Variants in PARP4 observed in about 807,000 individuals in gnomAD.
PARP4 encodes the protein protein mono-ADP-ribosyltransferase PARP4.
PARP4 carries 120 observed loss-of-function variants against 187.7 expected under a neutral mutation model. That is an observed-to-expected ratio of 0.64 (90% confidence interval 0.55 to 0.74). The LOEUF (loss-of-function observed/expected upper bound fraction) is 0.74, where lower values mean the gene tolerates loss of function less well. PARP4 is among the 30% of genes least tolerant of loss of function. The pLI is 0.00. For synonymous variants in PARP4, 654 were observed against 740.9 expected (o/e 0.88, Z 1.90); for missense variants, 1,836 against 2,070.5 (o/e 0.89, Z 2.20).
intron 15 of PARP4, among the ~76,000 whole-genome samples, chr13:24,473,773 T>C (rs1010699084): frequency 1.2e-4 from 19 of 152,158 alleles, no homozygotes; most frequent in African/African-American, 4.1e-4. Flanking sequence ...AACAATCTCA[T>C]TGCTAAATCC....
intron 1 of PARP4, among the ~76,000 whole-genome samples, chr13:24,511,688 C>T (rs1461899055): frequency 6.6e-6 from 1 of 152,192 alleles, no homozygotes; most frequent in African/African-American, 2.4e-5. Context: ...CTACAGCCTC[C>T]GCCTTCCGAA....
intron 1 of PARP4, among the ~76,000 whole-genome samples, chr13:24,512,354 G>A (rs1375890040): frequency 6.6e-6 from 1 of 152,210 alleles, no homozygotes; most frequent in Non-Finnish European, 1.5e-5. Flanking sequence ...TAGGAAAGAA[G>A]GCCGTTTGGC....
At chr13:24,486,617 G>T (rs1873571705) in intron 10 of PARP4, among the ~76,000 whole-genome samples, 1 of 152,038 alleles carries the variant, frequency 6.6e-6, no homozygotes, top group African/African-American at 2.4e-5. Flanking sequence ...CTTGCTCTGG[G>T]CAACAGAGCA....
At chr13:24,431,354 T>C in intron 32 of PARP4, 23 bp downstream of exon 32, 1 of 1,320,816 alleles carries the variant, frequency 7.6e-7, no homozygotes, top group Non-Finnish European at 1.1e-6. Flanking sequence ...AATGACTTAA[T>C]AAATGGAAAC....
At chr13:24,448,169 C>T (rs1032474226) in intron 25 of PARP4, among the ~76,000 whole-genome samples, 1 of 152,074 alleles carries the variant, frequency 6.6e-6, no homozygotes, top group Non-Finnish European at 1.5e-5. Context: ...AAGCTTGCAC[C>T]ACTGAATTCC....
chr13:24,498,856 TGTTA>T (rs1869111541), intron 5 of PARP4, among the ~76,000 whole-genome samples: 1 of 152,244 alleles, frequency 6.6e-6, no homozygotes, highest in Non-Finnish European at 1.5e-5. Flanking sequence ...TACAAGAAAC[TGTTA>T]GTAACAGGGA....
At chr13:24,502,217 G>GTT (rs141754834) in intron 2 of PARP4, among the ~76,000 whole-genome samples, 2 of 151,734 alleles carry the variant, frequency 1.3e-5, no homozygotes, top group South Asian at 2.1e-4. Context: ...AGAAAATCTT[G>GTT]TTTTTTTTGT....
chr13:24,487,627 T>G lies in PARP4; in HGVS notation c.1215-1322A>C, dbSNP rs1433413032. 2.0e-5 allele frequency among the ~76,000 whole-genome samples: 3 copies of G among 151,976 alleles called. No homozygotes were observed. The East Asian group carries it at 5.8e-4, about 29-fold the overall frequency. On this transcript the variant is annotated intron_variant, in intron 10 of 33. Coordinates refer to ENST00000381989, the MANE Select transcript of PARP4 (RefSeq NM_006437.4). ...GAGTGGGTAGCTAAGATGGGGCAGT[T>G]GTTGGGGGAGACGGGGGTACGGCTG...
chr13:24,484,614 G>C (rs747327071), intron 12 of PARP4, 39 bp downstream of exon 12: 23 of 1,315,612 alleles, frequency 1.7e-5, no homozygotes, highest in Admixed American at 3.4e-5. Flanking sequence ...TACACAGCAA[G>C]TATTCAGTAA....
At chr13:24,499,257 G>GT (rs745751776) in intron 5 of PARP4, 44 bp downstream of exon 5, 2 of 1,453,154 alleles carry the variant, frequency 1.4e-6, no homozygotes, top group South Asian at 1.4e-5. Context: ...ATTCAAACAG[G>GT]TGTGTTTTTT....
intron 15 of PARP4, among the ~76,000 whole-genome samples, chr13:24,473,446 T>C (rs1030352228): frequency 2.0e-5 from 3 of 152,134 alleles, no homozygotes; most frequent in African/African-American, 7.2e-5. Flanking sequence ...AAACGTAAAA[T>C]TCAGAACAGT....
At chr13:24,437,706 G>A (rs1870700752) in intron 30 of PARP4, among the ~76,000 whole-genome samples, 1 of 152,064 alleles carries the variant, frequency 6.6e-6, no homozygotes, top group African/African-American at 2.4e-5. Context: ...GATTAAGTCA[G>A]GTATTGTGGA....
chr13:24,466,664 A>G (rs1211208343), intron 17 of PARP4, among the ~76,000 whole-genome samples: 1 of 151,848 alleles, frequency 6.6e-6, no homozygotes, highest in African/African-American at 2.4e-5. Context: ...GTGTGGTGGT[A>G]TGTGCCTTTA....
intron 12 of PARP4, among the ~76,000 whole-genome samples, chr13:24,479,539 C>T (rs1244927104): frequency 2.0e-5 from 3 of 152,060 alleles, no homozygotes; most frequent in African/African-American, 7.2e-5. Context: ...TGTGAGTGCA[C>T]CAATTGACAC....
chr13:24,430,269 T>G (rs1237050243), intron 32 of PARP4, among the ~76,000 whole-genome samples: 1 of 152,066 alleles, frequency 6.6e-6, no homozygotes, highest in Non-Finnish European at 1.5e-5. Context: ...CTCTGGCATT[T>G]TAGAGGTGAT....
chr13:24,487,454 G>A (rs1873625826), intron 10 of PARP4, among the ~76,000 whole-genome samples: 2 of 152,264 alleles, frequency 1.3e-5, no homozygotes, highest in African/African-American at 2.4e-5. Context: ...GCATCTGGAA[G>A]GACACTGTAG....
At chr13:24,479,185 G>A (rs968370842) in intron 12 of PARP4, among the ~76,000 whole-genome samples, 25 of 152,238 alleles carry the variant, frequency 1.6e-4, no homozygotes, top group African/African-American at 4.8e-4. Context: ...TTTTGGAGAC[G>A]CATGTCTGTT....
rs150329035 is a variant in PARP4 at position 24,435,136 on chromosome 13, A to T, written c.4005T>A (p.Ser1335Arg). 6.2e-7 allele frequency: 1 copy of T among 1,614,082 alleles called. No individual in the cohort carries two copies. Among genetic ancestry groups the T allele is most frequent in the African/African-American group, 1.3e-5 (1 of 74,936 alleles). ...SYLPPTARAH[S>R]PASLSFASYR... is the part of the protein sequence containing the mutation. ...ATGAGGCAAAAGACAAGGAAGCAGGACTGTGAGCGCGGGCAGTCGGGGGAA... is the reference window on the plus strand; with the variant it reads ...ATGAGGCAAAAGACAAGGAAGCAGGTCTGTGAGCGCGGGCAGTCGGGGGAA... The change falls in exon 31 of 34, where the codon AGT becomes AGA. Residue 1335 changes from serine (S) to arginine (R), a missense_variant. This residue lies in a region of PARP4 where 450 missense variants were observed against 439.2 expected (regional missense o/e 1.02). Coordinates refer to ENST00000381989, the MANE Select transcript of PARP4 (RefSeq NM_006437.4).
chr13:24,450,459 C>G (rs1311553808), intron 24 of PARP4, among the ~76,000 whole-genome samples: 2 of 149,742 alleles, frequency 1.3e-5, no homozygotes, highest in Non-Finnish European at 3.0e-5. Flanking sequence ...TGTTTTTCAA[C>G]CTATGGATAA....
Sources: allele counts gnomAD v4.1 joint callset (sites outside exome capture counted in the v4.1 genomes callset), GRCh38; gene constraint gnomAD v4.1.1; regional missense constraint gnomAD v4.1.1; transcripts MANE v1.5; gene names NCBI Gene and HGNC (gene_info 2026-07-23, HGNC 2026-07-21).